Variants in IL26 observed in about 807,000 individuals in gnomAD.
The protein encoded by IL26 is interleukin-26.
Under a neutral mutation model 21.7 loss-of-function variants are expected in IL26, and 23 were observed. The ratio of observed to expected loss-of-function variants is 1.06; its 90% CI spans 0.76 to 1.50. The LOEUF is 1.50. Ranked by LOEUF, IL26 falls within the 40% of genes most tolerant of loss-of-function variation. The pLI is 0.00. For synonymous variants in IL26, 63 were observed against 67.8 expected, an observed-to-expected ratio of 0.93 and a Z score of 0.34; for missense variants, 204 against 196.0, an observed-to-expected ratio of 1.04 and a Z score of -0.24.
In IL26 at chr12:68,225,244, TGAA is replaced by T. The variant is rs753783152; in HGVS notation, c.265_267del (p.Phe89del). On this transcript the variant is annotated inframe_deletion, in exon 3 of 5. Transcript: ENST00000229134. ...TGCAGTTGACCAAAAACGTCTTCCA[TGAA>T]GAAGGACAGAAGCTGTTCTTGAAAT... The T allele has an allele frequency of 3.7e-6, 6 of 1,613,590 alleles. No homozygotes were observed. The highest frequency in any genetic ancestry group is 4.2e-6 in the Non-Finnish European group (5 of 1,179,784).
chr12:68,205,791 G>A (rs972795898), intron 3 of IL26, among the ~76,000 whole-genome samples: 9 of 152,082 alleles, frequency 5.9e-5, no homozygotes, highest in Non-Finnish European at 8.8e-5. Flanking sequence ...TTCAGTCCTC[G>A]TATCATAGAA....
intron 3 of IL26, among the ~76,000 whole-genome samples, chr12:68,219,227 C>T (rs1868978619): frequency 6.6e-6 from 1 of 151,966 alleles, no homozygotes; most frequent in African/African-American, 2.4e-5. Context: ...TGGCAGAATA[C>T]ATATTCTTTT....
intron 3 of IL26, among the ~76,000 whole-genome samples, chr12:68,223,505 C>T (rs184837315): frequency 2.0e-5 from 3 of 152,292 alleles, no homozygotes; most frequent in Admixed American, 2.0e-4. Flanking sequence ...TATGTGTTCT[C>T]TAGCTATTTG....
At chr12:68,209,195 C>G (rs943739801) in intron 3 of IL26, among the ~76,000 whole-genome samples, 51 of 152,060 alleles carry the variant, frequency 3.4e-4, no homozygotes, top group Non-Finnish European at 8.8e-5. Flanking sequence ...GTGGGGGCAA[C>G]GAAGTCCAGT....
At chr12:68,223,713 C>G (rs1869129917) in intron 3 of IL26, among the ~76,000 whole-genome samples, 2 of 151,910 alleles carry the variant, frequency 1.3e-5, no homozygotes, top group Non-Finnish European at 2.9e-5. Context: ...CAGAACTGGC[C>G]CAGAGAATTC....
intron 3 of IL26, among the ~76,000 whole-genome samples, chr12:68,220,786 G>A (rs564766682): frequency 3.3e-5 from 5 of 152,238 alleles, no homozygotes; most frequent in South Asian, 4.2e-4. Flanking sequence ...ACAGGCATGC[G>A]CCACCGCGCC....
At chr12:68,205,333 C>T (rs1022343370) in intron 3 of IL26, among the ~76,000 whole-genome samples, 1 of 132,922 alleles carries the variant, frequency 7.5e-6, no homozygotes, top group Non-Finnish European at 1.5e-5. Flanking sequence ...AACATTAGAC[C>T]CCCCCCAAAT....
In IL26 at chr12:68,225,509, A is replaced by T. The variant is rs761608594; in HGVS notation, c.172-9T>A. ...TTTTTTATGCGGTCTTCCTACAATA[A>T]TACAAAGAGAAATAAGTTGTATCCA... On this transcript the variant is annotated splice_polypyrimidine_tract_variant and intron_variant, in intron 1 of 4. Transcript: ENST00000229134. The T allele has an allele frequency of 6.3e-7, 1 of 1,598,686 alleles. No homozygotes were observed. The highest frequency in any genetic ancestry group is 2.2e-5 in the East Asian group (1 of 44,804).
chr12:68,201,879 G>T lies in IL26; in HGVS notation c.482C>A (p.Ser161Tyr). ...GCTTTCCAATAATTTTTTAATCCAGGAAAGAAGAATATCCAGTTCACTGAT... is the reference window on the plus strand; with the variant it reads ...GCTTTCCAATAATTTTTTAATCCAGTAAAGAAGAATATCCAGTTCACTGAT... ...KAISELDILL[S>Y]WIKKLLESSQ is the part of the protein sequence containing the mutation. The change falls in exon 5 of 5, where the codon TCC (serine) becomes TAC (tyrosine). Residue 161 changes from serine to tyrosine, a missense_variant. Physicochemically the swap from Ser to Tyr is moderately radical, Grantham distance 144. Transcript: ENST00000229134. The T allele has an allele frequency of 1.3e-6, 2 of 1,599,952 alleles. No homozygotes were observed. The highest frequency in any genetic ancestry group is 1.7e-6 in the Non-Finnish European group (2 of 1,176,122).
At chr12:68,217,188 A>G (rs908837785) in intron 3 of IL26, among the ~76,000 whole-genome samples, 1 of 152,224 alleles carries the variant, frequency 6.6e-6, no homozygotes, top group African/African-American at 2.4e-5. Context: ...GAATGTCACC[A>G]GAAGCAATGA....
intron 3 of IL26, among the ~76,000 whole-genome samples, chr12:68,218,459 C>T (rs567650091): frequency 6.6e-6 from 1 of 152,030 alleles, no homozygotes; most frequent in East Asian, 1.9e-4. Flanking sequence ...CTGAATGGGA[C>T]TAACAGATAG....
intron 3 of IL26, among the ~76,000 whole-genome samples, chr12:68,205,326 A>G (rs1442083368): frequency 4.4e-5 from 6 of 136,412 alleles, no homozygotes; most frequent in Non-Finnish European, 9.3e-5. Flanking sequence ...TGCGTAAAAC[A>G]TTAGACCCCC....
chr12:68,223,405 C>T (rs1048082731), intron 3 of IL26, among the ~76,000 whole-genome samples: 7 of 152,192 alleles, frequency 4.6e-5, no homozygotes. Flanking sequence ...TCACCAGAAA[C>T]AAACCAAGAA....
intron 3 of IL26, among the ~76,000 whole-genome samples, chr12:68,206,623 T>C (rs1448640603): frequency 6.6e-6 from 1 of 152,202 alleles, no homozygotes; most frequent in Admixed American, 6.5e-5. Context: ...TTAGCAGCTT[T>C]ACAAATAAGG....
chr12:68,202,198 C>A (rs1868409392), intron 3 of IL26, 115 bp from the exon 4 acceptor site: 1 of 551,144 alleles, frequency 1.8e-6, no homozygotes, highest in South Asian at 4.1e-5. Context: ...ACTAGATATG[C>A]ACTGGCAAAA....
At chr12:68,217,903 C>T (rs1868930212) in intron 3 of IL26, among the ~76,000 whole-genome samples, 1 of 152,022 alleles carries the variant, frequency 6.6e-6, no homozygotes, top group African/African-American at 2.4e-5. Context: ...TGAACAAATA[C>T]ATTTCAAAAA....
intron 3 of IL26, among the ~76,000 whole-genome samples, chr12:68,219,071 T>C (rs2120465390): frequency 6.6e-6 from 1 of 151,894 alleles, no homozygotes; most frequent in South Asian, 2.1e-4. Context: ...TGATAGAACT[T>C]CAAGAAGCAA....
intron 3 of IL26, among the ~76,000 whole-genome samples, chr12:68,202,804 G>A (rs141479246): frequency 6.4e-4 from 97 of 152,222 alleles, no homozygotes; most frequent in African/African-American, 2.2e-3. Flanking sequence ...GAAGGCACAG[G>A]CTATATGAGA....
chr12:68,208,294 G>A (rs1268298771), intron 3 of IL26, among the ~76,000 whole-genome samples: 4 of 152,174 alleles, frequency 2.6e-5, no homozygotes, highest in Non-Finnish European at 4.4e-5. Flanking sequence ...AGGCAGGGAA[G>A]CAAGGTGTTC....
Sources: gnomAD v4.1 joint callset for allele counts (sites outside exome capture counted in the v4.1 genomes callset) on GRCh38, gnomAD v4.1.1 for gene constraint, MANE v1.5 for transcripts, NCBI Gene and HGNC (gene_info 2026-07-23, HGNC 2026-07-21) for gene names.